METTL4: variants seen among roughly 807,000 people sequenced by gnomAD.
METTL4 encodes N(6)-adenine-specific methyltransferase METTL4.
In METTL4, 40 loss-of-function variants were observed where a neutral mutation model predicts 54.0. The observed-to-expected ratio is 0.74, with a 90% CI of 0.58 to 0.96. The LOEUF (loss-of-function observed/expected upper bound fraction) is 0.96. Ranked by LOEUF, METTL4 falls within the 50% of genes least tolerant of loss-of-function variation. The pLI, the probability that METTL4 is intolerant of heterozygous loss-of-function variation, is 0.00. For missense variants in METTL4, 525 were observed against 549.0 expected (o/e 0.96, Z 0.44); for synonymous variants, 169 against 183.8 (o/e 0.92, Z 0.65).
At position 2,538,994 on chromosome 18, in the gene METTL4, T is replaced by G. The variant is rs1332062144; in HGVS notation, c.*6A>C. ...GAAGAAACCACTACTTTAATCAAGA[T>G]CATAGTCAGCTTCCAGACTCCACAG... is the stretch of plus-strand genomic sequence containing the variant. On this transcript the variant is annotated 3_prime_UTR_variant, in exon 9 of 9. Transcript: ENST00000574538. The G allele has an allele frequency of 3.1e-6, 5 of 1,613,058 alleles. No individual in the cohort carries two copies. The highest frequency in any genetic ancestry group is 4.2e-6 in the Non-Finnish European group (5 of 1,179,678).
In METTL4 at chr18:2,540,918, A is replaced by G. The variant is rs1312520841; in HGVS notation, c.1274-1773T>C. 5 of 985,218 alleles carry G rather than the reference A, an allele frequency of 5.1e-6. No individual in the cohort carries two copies. The East Asian group carries it at 5.7e-4, about 112-fold the overall frequency. 61.0% of individuals were successfully genotyped at this position (985,218 alleles called of 1,614,324 possible). On this transcript the variant is annotated intron_variant, in intron 8 of 8. Transcript: ENST00000574538. ...GTCAAAAATGTTTCCTCTTCTGAGCACCCACTATAATCAGTGTTATAAAAC... is the reference window on the plus strand; with the variant it reads ...GTCAAAAATGTTTCCTCTTCTGAGCGCCCACTATAATCAGTGTTATAAAAC...
rs1018399588 is a variant in METTL4 at position 2,554,537 on chromosome 18, A to T, written c.829+132T>A. ...CACCTTAAAATTAAACCTAAGAGAC[A>T]AATAACCCAAGGAAAAGTGTCTACC... is the stretch of plus-strand genomic sequence containing the variant. On this transcript the variant is annotated intron_variant, in intron 4 of 8. Coordinates refer to ENST00000574538, the MANE Select transcript of METTL4 (RefSeq NM_022840.5). 16 of 794,894 alleles carry T rather than the reference A, an allele frequency of 2.0e-5. No individual in the cohort carries two copies. In the Admixed American group the frequency reaches 4.2e-4, roughly 21 times the overall value. 49.2% of individuals were successfully genotyped at this position (794,894 alleles called of 1,614,324 possible).
At chr18:2,555,971 T>G (rs1185561784) in intron 3 of METTL4, among the ~76,000 whole-genome samples, 1 of 152,180 alleles carries the variant, frequency 6.6e-6, no homozygotes, top group South Asian at 2.1e-4. Context: ...GGAAGACACA[T>G]GCAGAGTCCA....
intron 5 of METTL4, among the ~76,000 whole-genome samples, chr18:2,550,730 A>C (rs1278343483): frequency 6.6e-6 from 1 of 152,228 alleles, no homozygotes; most frequent in Non-Finnish European, 1.5e-5. Context: ...AAAATCAGTC[A>C]AAGAAAGAGA....
intron 5 of METTL4, among the ~76,000 whole-genome samples, chr18:2,548,516 C>G (rs2072106152): frequency 6.6e-6 from 1 of 152,166 alleles, no homozygotes; most frequent in Non-Finnish European, 1.5e-5. Context: ...CAAAACTGGC[C>G]ACTATTCTGA....
chr18:2,544,516 C>T, intron 7 of METTL4, 137 bp downstream of exon 7: 1 of 647,274 alleles, frequency 1.5e-6, no homozygotes, highest in Non-Finnish European at 2.6e-6. Flanking sequence ...TGTGCCATAC[C>T]ATCCATTCTT....
rs200681387 is a variant in METTL4 at position 2,538,076 on chromosome 18, TAA to T, written c.*922_*923del. 1 of 396,622 alleles carries T rather than the reference TAA, an allele frequency of 2.5e-6. No homozygotes were observed. Among genetic ancestry groups the T allele is most frequent in the African/African-American group, 2.1e-5 (1 of 48,602 alleles). 24.6% of individuals were successfully genotyped at this position (396,622 alleles called of 1,614,324 possible). ...TTTGTGAAAATTATACCTCAATTTT[TAA>T]AAAGTCAATACATAATAAATCAATA... On this transcript the variant is annotated 3_prime_UTR_variant, in exon 9 of 9. Coordinates refer to ENST00000574538, the MANE Select transcript of METTL4 (RefSeq NM_022840.5).
At chr18:2,539,734 G>T in intron 8 of METTL4, 2 of 650,382 alleles carry the variant, frequency 3.1e-6, no homozygotes, top group Non-Finnish European at 3.8e-6. Context: ...CACTCGCCTC[G>T]GCCTCCCAAA....
At chr18:2,542,987 G>C (rs2072015899) in intron 8 of METTL4, among the ~76,000 whole-genome samples, 1 of 151,876 alleles carries the variant, frequency 6.6e-6, no homozygotes, top group Non-Finnish European at 1.5e-5. Context: ...AATTAGGCAT[G>C]GTGGCACACA....
At chr18:2,544,131 C>A in intron 8 of METTL4, 64 bp downstream of exon 8, 1 of 1,312,744 alleles carries the variant, frequency 7.6e-7, no homozygotes, top group Middle Eastern at 1.9e-4. Flanking sequence ...CGTTTAAATA[C>A]TAAATGTACA....
chr18:2,551,121 G>A (rs7234686), intron 5 of METTL4, among the ~76,000 whole-genome samples: 2,181 of 129,846 alleles, frequency 0.017, 36 homozygotes, highest in South Asian at 0.046. Flanking sequence ...CCGAGATCGC[G>A]CCACTGCACT....
In METTL4 at chr18:2,538,645, G is replaced by A. The variant is rs72857004; in HGVS notation, c.*355C>T. On this transcript the variant is annotated 3_prime_UTR_variant, in exon 9 of 9. Transcript: ENST00000574538. Reference sequence around the variant, plus strand: ...CCATTTTTTAGAATAATGGTTCTAAGTGTTTTTTACAACACTGTATGGGTC... The same window carrying A: ...CCATTTTTTAGAATAATGGTTCTAAATGTTTTTTACAACACTGTATGGGTC... 0.34 allele frequency: 59,361 copies of A among 173,750 alleles called. 11,664 individuals are homozygous for A. Among genetic ancestry groups the A allele is most frequent in the East Asian group, 0.63 (4,017 of 6,422 alleles). 10.8% of individuals were successfully genotyped at this position (173,750 alleles called of 1,614,324 possible).
At chr18:2,561,017 T>C (rs746105461) in intron 3 of METTL4, among the ~76,000 whole-genome samples, 2 of 152,118 alleles carry the variant, frequency 1.3e-5, no homozygotes, top group Non-Finnish European at 2.9e-5. Flanking sequence ...GATCAATAGG[T>C]TCATGGAAAA....
chr18:2,558,931 T>C (rs1390154264), intron 3 of METTL4, among the ~76,000 whole-genome samples: 1 of 152,098 alleles, frequency 6.6e-6, no homozygotes, highest in East Asian at 1.9e-4. Flanking sequence ...GAGATACTAC[T>C]CCACACCTAC....
chr18:2,538,924 TA>T lies in METTL4; in HGVS notation c.*75del. 3.3e-6 allele frequency: 5 copies of T among 1,509,122 alleles called. No homozygotes were observed. The highest frequency in any genetic ancestry group is 3.6e-6 in the Non-Finnish European group (4 of 1,114,228). The allele number at this position is 1,509,122 out of a possible 1,614,324, so 93.5% of individuals were successfully genotyped here. ...CTAAGAATATGGGTTGGTAACAAAATAAAAAAATGACTTAGAATTAAGGGAA... is the reference window on the plus strand; with the variant it reads ...CTAAGAATATGGGTTGGTAACAAAATAAAAAATGACTTAGAATTAAGGGAA... On this transcript the variant is annotated 3_prime_UTR_variant, in exon 9 of 9. Transcript: ENST00000574538.
chr18:2,553,990 T>A (rs1173093370), intron 4 of METTL4: 3 of 152,210 alleles, frequency 2.0e-5, no homozygotes, highest in Admixed American at 2.0e-4. Context: ...AGTTGCTCAG[T>A]AACTTAAAAT....
rs371173735 is a variant in METTL4 at position 2,538,230 on chromosome 18, G to C, written c.*770C>G. 8 of 276,272 alleles carry C rather than the reference G, an allele frequency of 2.9e-5. No individual in the cohort carries two copies. Among genetic ancestry groups the C allele is most frequent in the African/African-American group, 1.7e-4 (8 of 45,964 alleles). 17.1% of individuals were successfully genotyped at this position (276,272 alleles called of 1,614,324 possible). On this transcript the variant is annotated 3_prime_UTR_variant, in exon 9 of 9. Coordinates refer to ENST00000574538, the MANE Select transcript of METTL4 (RefSeq NM_022840.5). ...TACTTGCTGCCATGTTTATTATAAG[G>C]AATAGCTTTTCATTTTCTTCTAGAA...
chr18:2,540,277 A>C (rs1254633052), intron 8 of METTL4: 1 of 983,934 alleles, frequency 1.0e-6, no homozygotes, highest in Non-Finnish European at 1.2e-6. Context: ...CTAACCACCT[A>C]ATAGGAATTT....
intron 5 of METTL4, among the ~76,000 whole-genome samples, chr18:2,550,847 T>C (rs2072143395): frequency 6.6e-6 from 1 of 152,176 alleles, no homozygotes; most frequent in Non-Finnish European, 1.5e-5. Flanking sequence ...ATAATGTCTG[T>C]ACATAATAGT....
Sources: allele counts gnomAD v4.1 joint callset (sites outside exome capture counted in the v4.1 genomes callset), GRCh38; gene constraint gnomAD v4.1.1; transcripts MANE v1.5; gene names NCBI Gene and HGNC (gene_info 2026-07-23, HGNC 2026-07-21).